The following CALCR variants were observed in gnomAD, a reference collection of about 807,000 sequenced individuals.
CALCR encodes the protein calcitonin receptor.
Under a neutral mutation model 59.5 loss-of-function variants are expected in CALCR, and 47 were observed. That is an observed-to-expected ratio of 0.79 (90% CI 0.63 to 1.01). CALCR has a LOEUF of 1.01. CALCR is among the 50% of genes least tolerant of loss of function. The pLI is 0.00. For synonymous variants in CALCR, 213 were observed against 211.3 expected, an observed-to-expected ratio of 1.01 and a Z score of -0.07; for missense variants, 566 against 597.1, an observed-to-expected ratio of 0.95 and a Z score of 0.54.
At chr7:93,462,324 T>A (rs1252166843) in intron 7 of CALCR, among the ~76,000 whole-genome samples, 1 of 152,084 alleles carries the variant, frequency 6.6e-6, no homozygotes, top group Non-Finnish European at 1.5e-5. Flanking sequence ...GAGCTTTCTC[T>A]TACACACACG....
intron 2 of CALCR, among the ~76,000 whole-genome samples, chr7:93,537,210 T>A (rs1300218466): frequency 6.6e-6 from 1 of 151,818 alleles, no homozygotes. Flanking sequence ...AGTGAAGTAA[T>A]AAAGTCTTTT....
At chr7:93,526,447 AG>A in intron 2 of CALCR, among the ~76,000 whole-genome samples, 1 of 151,268 alleles carries the variant, frequency 6.6e-6, no homozygotes, top group Non-Finnish European at 1.5e-5. Flanking sequence ...ATAGCAAAGA[AG>A]GGGGAAAAAG....
Position 93,530,313 on chromosome 7 carries a change from A to G in CALCR, c.-26-43306T>C, listed in dbSNP as rs961754938. 4.6e-5 allele frequency among the ~76,000 whole-genome samples: 7 copies of G among 152,166 alleles called. No individual in the cohort carries two copies. In the South Asian group the frequency reaches 6.2e-4, roughly 13 times the overall value. ...ACTGCCTAGTCCTTTCCCAACTACC[A>G]TTAATAGATTATATGGGTACTGAGC... On this transcript the variant is annotated intron_variant, in intron 2 of 13. Transcript: ENST00000426151.
chr7:93,438,005 A>C, intron 11 of CALCR, 55 bp downstream of exon 11: 2 of 1,318,688 alleles, frequency 1.5e-6, no homozygotes, highest in African/African-American at 3.6e-5. Flanking sequence ...ATATACACAG[A>C]AATCTCAACT....
chr7:93,496,546 T>G (rs1425989809), intron 2 of CALCR, among the ~76,000 whole-genome samples: 1 of 151,536 alleles, frequency 6.6e-6, no homozygotes, highest in Non-Finnish European at 1.5e-5. Context: ...GTGGAATTTC[T>G]GAGGCCTTCA....
chr7:93,517,550 TC>T (rs1329113857), intron 2 of CALCR, among the ~76,000 whole-genome samples: 2 of 151,878 alleles, frequency 1.3e-5, no homozygotes, highest in Admixed American at 1.3e-4. Context: ...TTTTTAGAAT[TC>T]TTGAAGACTA....
chr7:93,544,692 T>C (rs542490255), intron 2 of CALCR, among the ~76,000 whole-genome samples: 1 of 152,276 alleles, frequency 6.6e-6, no homozygotes, highest in East Asian at 1.9e-4. Flanking sequence ...TCTCCGTAGG[T>C]CTTTTAATTG....
intron 2 of CALCR, among the ~76,000 whole-genome samples, chr7:93,562,587 T>C (rs541754563): frequency 7.9e-5 from 12 of 152,292 alleles, no homozygotes; most frequent in African/African-American, 2.9e-4. Flanking sequence ...GAATCACCCA[T>C]GGTGCATTTA....
At chr7:93,530,703 T>C (rs1478900466) in intron 2 of CALCR, among the ~76,000 whole-genome samples, 1 of 152,136 alleles carries the variant, frequency 6.6e-6, no homozygotes, top group Non-Finnish European at 1.5e-5. Flanking sequence ...CAAAGAGTAA[T>C]ATTAAATGCC....
At chr7:93,507,803 G>C (rs1801458453) in intron 2 of CALCR, among the ~76,000 whole-genome samples, 2 of 149,678 alleles carry the variant, frequency 1.3e-5, no homozygotes, top group South Asian at 4.3e-4. Flanking sequence ...GGCGCCTGTA[G>C]TCCCAGCTAC....
intron 2 of CALCR, among the ~76,000 whole-genome samples, chr7:93,535,523 C>A (rs768095666): frequency 6.6e-6 from 1 of 151,812 alleles, no homozygotes; most frequent in Non-Finnish European, 1.5e-5. Context: ...TGAAAATGGA[C>A]ACACAGATAA....
intron 7 of CALCR, among the ~76,000 whole-genome samples, chr7:93,461,360 C>T (rs891573344): frequency 7.9e-5 from 12 of 152,136 alleles, no homozygotes; most frequent in Non-Finnish European, 1.3e-4. Context: ...GGTCACAGAG[C>T]GTGAAGTCAG....
intron 13 of CALCR, among the ~76,000 whole-genome samples, chr7:93,428,330 T>C (rs1027225069): frequency 6.6e-6 from 1 of 152,188 alleles, no homozygotes; most frequent in African/African-American, 2.4e-5. Flanking sequence ...TCCAAAATCA[T>C]ATAGCTAGAA....
intron 2 of CALCR, among the ~76,000 whole-genome samples, chr7:93,556,283 G>T (rs920831486): frequency 5.3e-5 from 8 of 152,126 alleles, no homozygotes; most frequent in African/African-American, 1.9e-4. Flanking sequence ...ATATTCTTCA[G>T]TCAGATATAA....
intron 2 of CALCR, among the ~76,000 whole-genome samples, chr7:93,527,102 A>T (rs2116115051): frequency 6.6e-6 from 1 of 152,020 alleles, no homozygotes; most frequent in Admixed American, 6.6e-5. Flanking sequence ...ATATATGAAA[A>T]GTAGCTTTAA....
intron 4 of CALCR, among the ~76,000 whole-genome samples, chr7:93,478,612 G>C (rs776971170): frequency 2.1e-5 from 3 of 141,796 alleles, no homozygotes; most frequent in Non-Finnish European, 3.0e-5. Context: ...ATCGTCCTGG[G>C]CGAGAGAGTG....
At chr7:93,527,234 T>C (rs1224814270) in intron 2 of CALCR, among the ~76,000 whole-genome samples, 1 of 151,802 alleles carries the variant, frequency 6.6e-6, no homozygotes, top group Non-Finnish European at 1.5e-5. Context: ...AGTATATTTA[T>C]GTTTATGAAA....
At chr7:93,529,110 C>A (rs541059861) in intron 2 of CALCR, among the ~76,000 whole-genome samples, 4 of 152,262 alleles carry the variant, frequency 2.6e-5, no homozygotes, top group Non-Finnish European at 5.9e-5. Flanking sequence ...GTATATTTGT[C>A]TCCACCCAAA....
intron 8 of CALCR, among the ~76,000 whole-genome samples, chr7:93,453,033 A>G (rs1337224998): frequency 1.3e-5 from 2 of 151,932 alleles, no homozygotes; most frequent in African/African-American, 4.8e-5. Context: ...GCCTCTACAT[A>G]TGTGTATTCT....
Sources: allele counts gnomAD v4.1 joint callset (sites outside exome capture counted in the v4.1 genomes callset), GRCh38; gene constraint gnomAD v4.1.1; transcripts MANE v1.5; gene names NCBI Gene and HGNC (gene_info 2026-07-23, HGNC 2026-07-21).